TMEM165: variants seen among roughly 807,000 people sequenced by gnomAD.
TMEM165 encodes putative divalent cation/proton antiporter TMEM165.
TMEM165 carries 19 observed loss-of-function variants against 30.0 expected under a neutral mutation model. That is an observed-to-expected ratio of 0.63 (90% CI 0.44 to 0.93). TMEM165 has a LOEUF of 0.93. Among genes scored for constraint, TMEM165 ranks in the 40% least tolerant of loss-of-function variants. The pLI is 0.00. For missense variants in TMEM165, 340 were observed against 417.0 expected (o/e 0.82, Z 1.61); for synonymous variants, 168 against 162.9 (o/e 1.03, Z -0.24).
At chr4:55,444,021 T>G (rs1282574191) in intron 3 of TMEM165, 1 of 740,350 alleles carries the variant, frequency 1.4e-6, no homozygotes, top group African/African-American at 1.8e-5. Flanking sequence ...TAAGTCACTT[T>G]GAAGAATTAG....
At chr4:55,417,744 T>C (rs1402875965) in intron 3 of TMEM165, 59 bp from the exon 4 acceptor site, 8 of 1,336,038 alleles carry the variant, frequency 6.0e-6, no homozygotes, top group African/African-American at 1.5e-5. Context: ...TCAAGTGATT[T>C]GTGTGCTATT....
At chr4:55,427,204 T>C (rs1722249209), downstream of TMEM165, among the ~76,000 whole-genome samples, 1 of 150,896 alleles carries the variant, frequency 6.6e-6, no homozygotes, top group Non-Finnish European at 1.5e-5. Context: ...TGGCTAATTT[T>C]TTGTATTTTT....
At chr4:55,400,296 A>T (rs1205914149) in intron 1 of TMEM165, among the ~76,000 whole-genome samples, 18 of 103,564 alleles carry the variant, frequency 1.7e-4, no homozygotes, top group Non-Finnish European at 2.5e-4. Flanking sequence ...TATTATATAT[A>T]ATATTATATA....
chr4:55,397,300 G>A (rs867836503), intron 1 of TMEM165: 55 of 152,224 alleles, frequency 3.6e-4, no homozygotes, highest in African/African-American at 1.3e-3. Flanking sequence ...TTTCAGTCCA[G>A]CCTTTTTAGG....
rs772268527 is a variant in TMEM165 at position 55,444,810 on chromosome 4, T to C, written c.409-7429T>C. ...ACTGAAGTACCATGTACGGAAAAAGTGTAATATATTTTAGAATTACTTACT... is the reference window on the plus strand; with the variant it reads ...ACTGAAGTACCATGTACGGAAAAAGCGTAATATATTTTAGAATTACTTACT... On this transcript the variant is annotated intron_variant, in intron 3 of 3. Transcript: ENST00000608091. 21 of 1,610,012 alleles carry C rather than the reference T, an allele frequency of 1.3e-5. No homozygotes were observed. In the Admixed American group the frequency reaches 2.7e-4, roughly 21 times the overall value.
Position 55,401,656 on chromosome 4 carries a change from C to T in TMEM165, c.207+5260C>T, listed in dbSNP as rs149918639. On this transcript the variant is annotated intron_variant, in intron 1 of 5. Transcript: ENST00000381334. Reference sequence around the variant, plus strand: ...ACTTTTTTCTATTTTCATTAAGTTGCAGTCCCACTCCACCCAGTCCAGCCT... The same window carrying T: ...ACTTTTTTCTATTTTCATTAAGTTGTAGTCCCACTCCACCCAGTCCAGCCT... 9.2e-3 allele frequency among the ~76,000 whole-genome samples: 1,390 copies of T among 150,468 alleles called. 79 individuals are homozygous for T. Among genetic ancestry groups the T allele is most frequent in the Admixed American group, 0.079 (1,194 of 15,202 alleles).
Position 55,447,704 on chromosome 4 carries a change from T to C in TMEM165, c.409-4535T>C, listed in dbSNP as rs534472802. 1.2e-4 allele frequency among the ~76,000 whole-genome samples: 18 copies of C among 152,260 alleles called. No individual in the cohort carries two copies. In the East Asian group the frequency reaches 1.9e-3, roughly 16 times the overall value. ...TCCTGAGATTAAAAAACTAATAATA[T>C]AGAAAGTATGTATCTCCTATCATAT... is the stretch of plus-strand genomic sequence containing the variant. On this transcript the variant is annotated intron_variant, in intron 3 of 3. Coordinates refer to the TMEM165 transcript ENST00000608091.
At chr4:55,420,098 G>GAA (rs370641089) in intron 4 of TMEM165, among the ~76,000 whole-genome samples, 7 of 43,772 alleles carry the variant, frequency 1.6e-4, no homozygotes, top group Admixed American at 6.5e-4. Flanking sequence ...ACTATCTTAA[G>GAA]AAAAAAAAAT....
At chr4:55,431,614 G>A (rs546989208) in intron 3 of TMEM165, 53 of 152,298 alleles carry the variant, frequency 3.5e-4, no homozygotes, top group African/African-American at 1.2e-3. Context: ...AGGGACTCCT[G>A]TGGGACTAAG....
chr4:55,441,999 CACAT>C (rs1243118640), intron 3 of TMEM165, among the ~76,000 whole-genome samples: 42 of 152,142 alleles, frequency 2.8e-4, no homozygotes, highest in Non-Finnish European at 5.9e-5. Flanking sequence ...AGGAGGCCCT[CACAT>C]ACATTTTCTT....
At chr4:55,403,491 T>C (rs574325913) in intron 1 of TMEM165, among the ~76,000 whole-genome samples, 3 of 95,716 alleles carry the variant, frequency 3.1e-5, no homozygotes, top group Non-Finnish European at 6.2e-5. Flanking sequence ...GGTGCCTTTT[T>C]CTTTTTCTTT....
intron 1 of TMEM165, among the ~76,000 whole-genome samples, chr4:55,405,912 A>G (rs954416220): frequency 1.3e-5 from 2 of 152,148 alleles, no homozygotes; most frequent in African/African-American, 4.8e-5. Flanking sequence ...TCTTGCCCCA[A>G]CCATTCTTCT....
chr4:55,427,625 G>A (rs938898792), downstream of TMEM165, among the ~76,000 whole-genome samples: 5 of 152,300 alleles, frequency 3.3e-5, no homozygotes, highest in South Asian at 6.2e-4. Flanking sequence ...GATTACAGGC[G>A]TGAGCCACCG....
rs1407040518 is a variant in TMEM165 at position 55,396,390 on chromosome 4, G to T, written c.201G>T (p.Arg67=). The T allele has an allele frequency of 6.7e-7, 1 of 1,484,124 alleles. No individual in the cohort carries two copies. Among genetic ancestry groups the T allele is most frequent in the Non-Finnish European group, 8.9e-7 (1 of 1,122,956 alleles). 91.9% of individuals were successfully genotyped at this position (1,484,124 alleles called of 1,614,324 possible). ...CTGTGCAGGGCCCCGAGCCGGCCCG[G>T]GTCGAGGTGAGCGGGCCGGGATGGG... ...PVAVQGPEPA[R]VEKIFTPAAP... is the part of the protein sequence containing the mutation. The change falls in exon 1 of 6, where the codon CGG becomes CGT. Residue 67 remains arginine (R), a synonymous_variant. Transcript: ENST00000381334.
intron 1 of TMEM165, among the ~76,000 whole-genome samples, chr4:55,409,943 G>C (rs1478713072): frequency 1.3e-5 from 2 of 152,088 alleles, no homozygotes; most frequent in African/African-American, 4.8e-5. Context: ...CCCAATTATT[G>C]GAACATGATA....
intron 1 of TMEM165, among the ~76,000 whole-genome samples, chr4:55,400,519 G>T (rs1156854276): frequency 2.7e-5 from 4 of 147,404 alleles, no homozygotes; most frequent in African/African-American, 1.0e-4. Flanking sequence ...CTCACTGCAA[G>T]GTCTGCCTTC....
At chr4:55,416,605 T>C (rs1481741999) in intron 2 of TMEM165, among the ~76,000 whole-genome samples, 2 of 152,246 alleles carry the variant, frequency 1.3e-5, no homozygotes, top group African/African-American at 4.8e-5. Flanking sequence ...GTGAGACTTT[T>C]GTCATGATTC....
intron 3 of TMEM165, among the ~76,000 whole-genome samples, chr4:55,445,556 C>T (rs1577686231): frequency 1.5e-5 from 2 of 135,048 alleles, no homozygotes; most frequent in South Asian, 5.2e-4. Flanking sequence ...CTAGTGGTTG[C>T]TCTCTGCATC....
At chr4:55,417,306 T>G in intron 3 of TMEM165, 59 bp downstream of exon 3, 5 of 1,513,548 alleles carry the variant, frequency 3.3e-6, no homozygotes, top group African/African-American at 1.4e-5. Context: ...ATAAACACTC[T>G]ACAGAGGTTT....
Sources: allele counts gnomAD v4.1 joint callset (sites outside exome capture counted in the v4.1 genomes callset), GRCh38; gene constraint gnomAD v4.1.1; transcripts MANE v1.5; gene names NCBI Gene and HGNC (gene_info 2026-07-23, HGNC 2026-07-21).